The following HSD17B11 variants were observed in gnomAD, a reference collection of about 807,000 sequenced individuals.
HSD17B11 encodes estradiol 17-beta-dehydrogenase 11.
Under a neutral mutation model 27.8 loss-of-function variants are expected in HSD17B11, and 22 were observed. The ratio of observed to expected loss-of-function variants is 0.79; its 90% CI spans 0.56 to 1.13. The LOEUF (loss-of-function observed/expected upper bound fraction) is 1.13. HSD17B11 is among the 50% of genes most tolerant of loss of function. The pLI is 0.00. For synonymous variants in HSD17B11, 117 were observed against 132.8 expected (o/e 0.88, Z 0.82); for missense variants, 314 against 351.1 (o/e 0.89, Z 0.84).
chr4:87,390,276 C>G (rs959630026), intron 1 of HSD17B11, among the ~76,000 whole-genome samples: 24 of 152,230 alleles, frequency 1.6e-4, no homozygotes, highest in African/African-American at 4.3e-4. Context: ...CCTGCCTCAG[C>G]CTCCCCAATA....
chr4:87,366,523 G>A (rs1291344053), intron 4 of HSD17B11, among the ~76,000 whole-genome samples: 1 of 152,046 alleles, frequency 6.6e-6, no homozygotes, highest in Non-Finnish European at 1.5e-5. Context: ...GACTATATTT[G>A]TATAAATATG....
At position 87,384,985 on chromosome 4, in the gene HSD17B11, C is replaced by T. The variant is rs1720270542; in HGVS notation, c.211-2623G>A. Among the ~76,000 whole-genome samples, 4 of 152,070 alleles carry T rather than the reference C, an allele frequency of 2.6e-5. No individual in the cohort carries two copies. The South Asian group carries it at 8.3e-4, about 32-fold the overall frequency. ...TAAAATTTCTCTTTATACTGTCTCTCTTTATTTCTCAGCCGGCTGACACTT... is the reference window on the plus strand; with the variant it reads ...TAAAATTTCTCTTTATACTGTCTCTTTTTATTTCTCAGCCGGCTGACACTT... On this transcript the variant is annotated intron_variant, in intron 1 of 6. Transcript: ENST00000358290.
chr4:87,364,247 C>T (rs1029149507), intron 4 of HSD17B11, among the ~76,000 whole-genome samples: 2 of 133,908 alleles, frequency 1.5e-5, no homozygotes, highest in African/African-American at 5.6e-5. Flanking sequence ...AAAACAAAGG[C>T]AGCACCACAG....
intron 4 of HSD17B11, among the ~76,000 whole-genome samples, chr4:87,363,753 T>A (rs545656506): frequency 6.6e-6 from 1 of 152,316 alleles, no homozygotes; most frequent in Non-Finnish European, 1.5e-5. Context: ...TGCCCAGACC[T>A]GTAGCTCAGT....
At chr4:87,340,652 T>G in intron 5 of HSD17B11, 46 bp from the exon 6 acceptor site, 1 of 1,312,384 alleles carries the variant, frequency 7.6e-7, no homozygotes, top group Non-Finnish European at 1.1e-6. Flanking sequence ...TCACCGAGGC[T>G]TCAGCTTTAG....
chr4:87,389,528 C>T (rs1720403660), intron 1 of HSD17B11, among the ~76,000 whole-genome samples: 2 of 152,140 alleles, frequency 1.3e-5, no homozygotes, highest in Non-Finnish European at 2.9e-5. Flanking sequence ...CCAGCCTGCA[C>T]TTGTAATTAC....
rs1241447691 is a variant in HSD17B11 at position 87,378,851 on chromosome 4, TATATAA to T, written c.318+3398_318+3403del. Among the ~76,000 whole-genome samples the T allele has an allele frequency of 1.4e-3, 32 of 23,220 alleles. 3 individuals are homozygous for T. Among genetic ancestry groups the T allele is most frequent in the Admixed American group, 5.5e-3 (8 of 1,450 alleles). The allele number at this position is 23,220 out of a possible 152,430, so 15.2% of individuals were successfully genotyped here. ...ATATAAATATATATATATAAATATATATATAAATATATATAAATATATATATATAAA... is the reference window on the plus strand; with the variant it reads ...ATATAAATATATATATATAAATATATATATATATAAATATATATATATAAA... On this transcript the variant is annotated intron_variant, in intron 2 of 6. Coordinates refer to ENST00000358290, the MANE Select transcript of HSD17B11 (RefSeq NM_016245.5).
chr4:87,374,954 CGA>C, intron 2 of HSD17B11, 124 bp from the exon 3 acceptor site: 2 of 624,580 alleles, frequency 3.2e-6, no homozygotes, highest in Non-Finnish European at 5.0e-6. Flanking sequence ...AGTACAGTGG[CGA>C]AATCTTGGCT....
Position 87,386,485 on chromosome 4 carries a change from G to A in HSD17B11, c.211-4123C>T, listed in dbSNP as rs192145529. Among the ~76,000 whole-genome samples, 115 of 152,220 alleles carry A rather than the reference G, an allele frequency of 7.6e-4. 1 individual carries two copies. The highest frequency in any genetic ancestry group is 2.0e-3 in the African/African-American group (85 of 41,534). ...CCCAAAGTGCTGGGATTACAGGGGT[G>A]AGCCACTGCACCCGGCCGGTGCAAC... On this transcript the variant is annotated intron_variant, in intron 1 of 6. Coordinates refer to ENST00000358290, the MANE Select transcript of HSD17B11 (RefSeq NM_016245.5).
rs1396608496 is a variant in HSD17B11 at position 87,378,877 on chromosome 4, TATAA to T, written c.318+3374_318+3377del. On this transcript the variant is annotated intron_variant, in intron 2 of 6. Transcript: ENST00000358290. ...ATATAAATATATATAAATATATATA[TATAA>T]ATATATATATATAAATATATATAAA... 1.5e-3 allele frequency among the ~76,000 whole-genome samples: 25 copies of T among 16,612 alleles called. 2 individuals carry two copies. The highest frequency in any genetic ancestry group is 5.5e-3 in the Admixed American group (5 of 912). The allele number at this position is 16,612 out of a possible 152,430, so 10.9% of individuals were successfully genotyped here. A position where few individuals can be genotyped will look rare whatever the true frequency, so the allele number is the denominator to read the frequency against.
chr4:87,367,489 G>A (rs1453371059), intron 4 of HSD17B11, among the ~76,000 whole-genome samples: 1 of 152,182 alleles, frequency 6.6e-6, no homozygotes, highest in East Asian at 1.9e-4. Context: ...ATAAAACAGA[G>A]TTCCATCAAA....
At chr4:87,354,678 T>C (rs1394874135) in intron 5 of HSD17B11, among the ~76,000 whole-genome samples, 1 of 151,274 alleles carries the variant, frequency 6.6e-6, no homozygotes. Context: ...GGAAAAAAAT[T>C]AGAATCTTCA....
intron 4 of HSD17B11, among the ~76,000 whole-genome samples, chr4:87,369,168 A>C (rs774933936): frequency 6.6e-6 from 1 of 152,190 alleles, no homozygotes; most frequent in Non-Finnish European, 1.5e-5. Flanking sequence ...GATTTTACTT[A>C]AGTGACCAAA....
intron 6 of HSD17B11, among the ~76,000 whole-genome samples, chr4:87,339,066 A>T (rs558305975): frequency 5.9e-5 from 9 of 152,332 alleles, no homozygotes; most frequent in Admixed American, 5.9e-4. Context: ...TCAATCAACA[A>T]ACATTTTGGT....
intron 4 of HSD17B11, among the ~76,000 whole-genome samples, chr4:87,367,246 C>G (rs536148756): frequency 1.1e-4 from 17 of 152,284 alleles, no homozygotes; most frequent in East Asian, 7.7e-4. Flanking sequence ...TCAAACTTGA[C>G]TTGTAAAGCC....
intron 5 of HSD17B11, among the ~76,000 whole-genome samples, chr4:87,341,632 G>A (rs938213249): frequency 1.3e-5 from 2 of 151,850 alleles, no homozygotes; most frequent in African/African-American, 2.4e-5. Context: ...AGGCTGAGGC[G>A]GGTGGAGCGC....
intron 2 of HSD17B11, among the ~76,000 whole-genome samples, chr4:87,378,804 T>C: frequency 8.6e-6 from 1 of 116,534 alleles, no homozygotes; most frequent in Non-Finnish European, 1.7e-5. Context: ...ATTTTATATA[T>C]ATATATAAAT....
chr4:87,365,766 A>G (rs1735602975), intron 4 of HSD17B11, among the ~76,000 whole-genome samples: 1 of 152,204 alleles, frequency 6.6e-6, no homozygotes, highest in Non-Finnish European at 1.5e-5. Flanking sequence ...AAAAATTGTA[A>G]GAAGAAGCAT....
At chr4:87,376,561 A>ATAAATATGAGG in intron 2 of HSD17B11, among the ~76,000 whole-genome samples, 1 of 150,298 alleles carries the variant, frequency 6.7e-6, no homozygotes, top group South Asian at 2.1e-4. Flanking sequence ...ATATAGAAAT[A>ATAAATATGAGG]TGAGGTAAAT....
Sources: allele counts gnomAD v4.1 joint callset (sites outside exome capture counted in the v4.1 genomes callset), GRCh38; gene constraint gnomAD v4.1.1; transcripts MANE v1.5; gene names NCBI Gene and HGNC (gene_info 2026-07-23, HGNC 2026-07-21).